Variants in SNX29 observed in about 807,000 individuals in gnomAD.
The protein encoded by SNX29 is sorting nexin-29.
In SNX29, 78 loss-of-function variants were observed where a neutral mutation model predicts 102.1. The ratio of observed to expected loss-of-function variants is 0.76; its 90% CI spans 0.64 to 0.92. The LOEUF (loss-of-function observed/expected upper bound fraction) is 0.92. Ranked by LOEUF, SNX29 falls within the 40% of genes least tolerant of loss-of-function variation. SNX29 has a pLI of 0.00. For missense variants in SNX29, 1,280 were observed against 1,061.7 expected, an observed-to-expected ratio of 1.21 and a Z score of -2.86; for synonymous variants, 580 against 414.5, an observed-to-expected ratio of 1.40 and a Z score of -4.85.
chr16:12,491,835 C>T (rs1222725265), intron 19 of SNX29, among the ~76,000 whole-genome samples: 3 of 152,196 alleles, frequency 2.0e-5, no homozygotes, highest in African/African-American at 7.2e-5. Flanking sequence ...CAGCTTCATC[C>T]ATGTCTGTAC....
chr16:12,231,532 T>TAA (rs143801181), intron 14 of SNX29, among the ~76,000 whole-genome samples: 7 of 121,152 alleles, frequency 5.8e-5, no homozygotes, highest in African/African-American at 1.8e-4. Context: ...TGGGCCTTTT[T>TAA]AAAAAAAAAA....
At chr16:12,241,796 C>G (rs920196554) in intron 14 of SNX29, among the ~76,000 whole-genome samples, 10 of 152,184 alleles carry the variant, frequency 6.6e-5, no homozygotes, top group African/African-American at 2.4e-4. Context: ...ATCTCTTTCT[C>G]TCAACACTAG....
chr16:12,571,224 T>C lies in SNX29; in HGVS notation c.*2595T>C. 2 of 232,320 alleles carry C rather than the reference T, an allele frequency of 8.6e-6. No individual in the cohort carries two copies. Among genetic ancestry groups the C allele is most frequent in the Non-Finnish European group, 1.7e-5 (2 of 117,454 alleles). The allele number at this position is 232,320 out of a possible 1,614,324, so 14.4% of individuals were successfully genotyped here. A position where few individuals can be genotyped will look rare whatever the true frequency, so the allele number is the denominator to read the frequency against. On this transcript the variant is annotated 3_prime_UTR_variant, in exon 21 of 21. Transcript: ENST00000566228. ...ACAAACAACTGGCAGGGTTCCCAGT[T>C]CCTGGAGTTATGGAGCAGAAACACC...
chr16:12,319,948 C>T (rs1387070036), intron 15 of SNX29, among the ~76,000 whole-genome samples: 4 of 152,206 alleles, frequency 2.6e-5, no homozygotes, highest in African/African-American at 4.8e-5. Flanking sequence ...GGAAGAAACC[C>T]GAGTAGGTTG....
intron 16 of SNX29, among the ~76,000 whole-genome samples, chr16:12,371,724 G>T (rs918001591): frequency 6.6e-6 from 1 of 152,188 alleles, no homozygotes; most frequent in African/African-American, 2.4e-5. Context: ...TGTCCTGTTA[G>T]AGCAAAGCTT....
At chr16:12,355,066 T>C (rs888104276) in intron 15 of SNX29, among the ~76,000 whole-genome samples, 3 of 152,188 alleles carry the variant, frequency 2.0e-5, no homozygotes, top group African/African-American at 7.2e-5. Context: ...GGCTCCCTTG[T>C]ATTTCAGATG....
chr16:12,328,560 C>G (rs749057700), intron 15 of SNX29, among the ~76,000 whole-genome samples: 2 of 152,030 alleles, frequency 1.3e-5, no homozygotes, highest in Non-Finnish European at 2.9e-5. Flanking sequence ...TACCTGTGTG[C>G]CCAGATTCCT....
chr16:12,559,882 G>A (rs2078616843), intron 20 of SNX29, among the ~76,000 whole-genome samples: 1 of 152,184 alleles, frequency 6.6e-6, no homozygotes, highest in Non-Finnish European at 1.5e-5. Flanking sequence ...CAGAGGCTGA[G>A]GCAGGAGAAT....
intron 15 of SNX29, among the ~76,000 whole-genome samples, chr16:12,297,829 C>T (rs1211726247): frequency 1.3e-5 from 2 of 152,150 alleles, no homozygotes; most frequent in Non-Finnish European, 2.9e-5. Context: ...CGAAACCTTC[C>T]CAGCTTTGCT....
rs553018732 is a variant in SNX29 at position 12,513,386 on chromosome 16, C to T, written c.2179-11316C>T. The stretch of plus-strand genomic sequence containing the variant: ...CAGCCTTCCTCTGCCCTGCCCTGCT[C>T]TCCCTTCCCCTCCCCTCTACTCAGT... On this transcript the variant is annotated intron_variant, in intron 19 of 20. Coordinates refer to ENST00000566228, the MANE Select transcript of SNX29 (RefSeq NM_032167.5). Among the ~76,000 whole-genome samples, 250 of 151,770 alleles carry T rather than the reference C, an allele frequency of 1.6e-3. 1 individual carries two copies. The highest frequency in any genetic ancestry group is 2.7e-3 in the Non-Finnish European group (184 of 67,904).
intron 13 of SNX29, among the ~76,000 whole-genome samples, chr16:12,140,458 G>A (rs764134830): frequency 5.9e-5 from 9 of 152,312 alleles, no homozygotes; most frequent in Non-Finnish European, 1.0e-4. Context: ...CCTGAACTCC[G>A]TGGAGCAGGA....
chr16:12,019,430 C>T (rs1457118287), intron 3 of SNX29, among the ~76,000 whole-genome samples: 1 of 152,010 alleles, frequency 6.6e-6, no homozygotes, highest in African/African-American at 2.4e-5. Flanking sequence ...TGGTCTTGAT[C>T]TCTTGACCTC....
chr16:12,501,026 T>A (rs2089095678), intron 19 of SNX29, among the ~76,000 whole-genome samples: 1 of 152,166 alleles, frequency 6.6e-6, no homozygotes, highest in Non-Finnish European at 1.5e-5. Context: ...TGTGTTGCCC[T>A]CTCAGGATGA....
At chr16:12,033,565 C>A (rs940132525) in intron 4 of SNX29, among the ~76,000 whole-genome samples, 2 of 151,460 alleles carry the variant, frequency 1.3e-5, no homozygotes, top group African/African-American at 4.9e-5. Flanking sequence ...GTCCTGAGTT[C>A]TTCTTCCATC....
At chr16:11,998,398 A>G (rs896518281) in intron 1 of SNX29, among the ~76,000 whole-genome samples, 2 of 152,186 alleles carry the variant, frequency 1.3e-5, no homozygotes, top group Non-Finnish European at 2.9e-5. Context: ...GAAGTTCAGC[A>G]TATGTCATGT....
At chr16:12,557,241 T>C (rs1402751027) in intron 20 of SNX29, 1 of 152,164 alleles carries the variant, frequency 6.6e-6, no homozygotes. Context: ...AGCTTTACCA[T>C]TTGGATCTAT....
At chr16:12,150,756 G>A (rs561766915) in intron 13 of SNX29, among the ~76,000 whole-genome samples, 2 of 152,356 alleles carry the variant, frequency 1.3e-5, no homozygotes, top group South Asian at 4.1e-4. Flanking sequence ...CACCAGCAAG[G>A]TCACAGCCTG....
At chr16:12,193,955 T>C (rs2076707720) in intron 13 of SNX29, among the ~76,000 whole-genome samples, 1 of 152,220 alleles carries the variant, frequency 6.6e-6, no homozygotes, top group Non-Finnish European at 1.5e-5. Flanking sequence ...TTTTCAAAAA[T>C]GATTTTGGCT....
chr16:12,541,925 G>T (rs181529622), intron 20 of SNX29, among the ~76,000 whole-genome samples: 41 of 152,222 alleles, frequency 2.7e-4, no homozygotes, highest in Admixed American at 7.9e-4. Flanking sequence ...GATTGCCCAC[G>T]GTACATCCTG....
Sources: gnomAD v4.1 joint callset for allele counts (sites outside exome capture counted in the v4.1 genomes callset) on GRCh38, gnomAD v4.1.1 for gene constraint, MANE v1.5 for transcripts, NCBI Gene and HGNC (gene_info 2026-07-23, HGNC 2026-07-21) for gene names.